The following AGPS variants were observed in gnomAD, a reference collection of about 807,000 sequenced individuals.
AGPS encodes alkyldihydroxyacetonephosphate synthase, peroxisomal.
In AGPS, 26 loss-of-function variants were observed where a neutral mutation model predicts 90.7. The ratio of observed to expected loss-of-function variants is 0.29; its 90% CI spans 0.21 to 0.40. The LOEUF (loss-of-function observed/expected upper bound fraction) is 0.40. Among genes scored for constraint, AGPS ranks in the 10% least tolerant of loss-of-function variants. The pLI, the probability that AGPS is intolerant of heterozygous loss-of-function variation, is 1.00. For missense variants in AGPS, 540 were observed against 816.1 expected (o/e 0.66, Z 4.12); for synonymous variants, 294 against 285.3 (o/e 1.03, Z -0.31).
intron 10 of AGPS, among the ~76,000 whole-genome samples, chr2:177,481,477 A>G (rs1428245625): frequency 6.6e-6 from 1 of 151,520 alleles, no homozygotes; most frequent in Non-Finnish European, 1.5e-5. Flanking sequence ...TATGTTAGAT[A>G]TTTATAATGA....
intron 17 of AGPS, among the ~76,000 whole-genome samples, chr2:177,517,890 A>G (rs1019078741): frequency 6.6e-6 from 1 of 152,140 alleles, no homozygotes; most frequent in African/African-American, 2.4e-5. Flanking sequence ...AATACTGGCC[A>G]GTTATCTTGT....
intron 8 of AGPS, among the ~76,000 whole-genome samples, chr2:177,449,841 C>A (rs1377452708): frequency 6.6e-6 from 1 of 151,536 alleles, no homozygotes; most frequent in Non-Finnish European, 1.5e-5. Context: ...ATTATTTGCC[C>A]AATTTTTTTT....
chr2:177,535,716 T>C (rs1164231063), intron 19 of AGPS, among the ~76,000 whole-genome samples: 2 of 152,192 alleles, frequency 1.3e-5, no homozygotes, highest in Non-Finnish European at 2.9e-5. Flanking sequence ...TGTGAAGTAG[T>C]TGACTTAAAT....
At chr2:177,437,184 A>T in intron 5 of AGPS, 130 bp downstream of exon 5, 1 of 879,538 alleles carries the variant, frequency 1.1e-6, no homozygotes, top group Non-Finnish European at 1.8e-6. Context: ...AAGAGAGTTT[A>T]CATAACAGTC....
intron 10 of AGPS, among the ~76,000 whole-genome samples, chr2:177,469,525 C>T (rs1375863556): frequency 6.6e-6 from 1 of 152,074 alleles, no homozygotes; most frequent in African/African-American, 2.4e-5. Context: ...CAAGATATCT[C>T]ACCAGTTTAC....
At chr2:177,444,037 C>A (rs755332642) in intron 7 of AGPS, among the ~76,000 whole-genome samples, 5 of 152,124 alleles carry the variant, frequency 3.3e-5, no homozygotes, top group Admixed American at 6.6e-5. Flanking sequence ...TCAATAAATT[C>A]TTTGTCTTTT....
At chr2:177,436,606 A>C (rs1029915992) in intron 3 of AGPS, among the ~76,000 whole-genome samples, 158 bp from the exon 4 acceptor site, 3 of 152,046 alleles carry the variant, frequency 2.0e-5, no homozygotes, top group Non-Finnish European at 4.4e-5. Context: ...TACTCTCATA[A>C]AGCTGATTTC....
intron 10 of AGPS, among the ~76,000 whole-genome samples, chr2:177,480,684 A>C (rs982368577): frequency 1.3e-5 from 2 of 151,996 alleles, no homozygotes; most frequent in African/African-American, 4.8e-5. Flanking sequence ...TATATAACAA[A>C]CCTGCACGTT....
chr2:177,506,548 T>A (rs1688720642), intron 15 of AGPS, among the ~76,000 whole-genome samples: 1 of 151,958 alleles, frequency 6.6e-6, no homozygotes, highest in Non-Finnish European at 1.5e-5. Flanking sequence ...CATGTTTTTC[T>A]CTAAAAAAGG....
At chr2:177,489,172 C>T (rs1386215937) in intron 11 of AGPS, among the ~76,000 whole-genome samples, 1 of 151,298 alleles carries the variant, frequency 6.6e-6, no homozygotes, top group African/African-American at 2.4e-5. Context: ...GCAAGCTCCG[C>T]CTCCCGGGTT....
At chr2:177,424,703 C>T (rs1686030314) in intron 2 of AGPS, among the ~76,000 whole-genome samples, 1 of 152,182 alleles carries the variant, frequency 6.6e-6, no homozygotes, top group Admixed American at 6.5e-5. Context: ...TACAGTCCAC[C>T]AGTGTAAAAG....
rs954292755 is a variant in AGPS at position 177,491,765 on chromosome 2, C to T, written c.1234-1383C>T. 8.1e-5 allele frequency among the ~76,000 whole-genome samples: 9 copies of T among 110,982 alleles called. 1 individual carries two copies. The highest frequency in any genetic ancestry group is 9.1e-5 in the Non-Finnish European group (5 of 54,844). 72.8% of individuals were successfully genotyped at this position (110,982 alleles called of 152,430 possible). On this transcript the variant is annotated intron_variant, in intron 11 of 19. Transcript: ENST00000264167. ...TAAATGTAATATACTTTCCTTCCCC[C>T]CCCCCCCCTTTTTTTTCATTTTGTT...
rs549320990 is a variant in AGPS, at chr2:177,445,477, G to A, written c.790-69G>A. 32 of 1,340,554 alleles carry A rather than the reference G, an allele frequency of 2.4e-5. No individual in the cohort carries two copies. The African/African-American group carries it at 3.9e-4, about 16-fold the overall frequency. The allele number at this position is 1,340,554 out of a possible 1,614,324, so 83.0% of individuals were successfully genotyped here. The stretch of plus-strand genomic sequence containing the variant: ...TCTTACCACTTGTTGCTTTGAATTA[G>A]GAAGTTATATTTCCTGAGAAAATAT... On this transcript the variant is annotated intron_variant, in intron 7 of 19. Coordinates refer to ENST00000264167, the MANE Select transcript of AGPS (RefSeq NM_003659.4).
At chr2:177,438,695 C>T (rs1441667376) in intron 5 of AGPS, among the ~76,000 whole-genome samples, 4 of 152,146 alleles carry the variant, frequency 2.6e-5, no homozygotes, top group Admixed American at 6.5e-5. Flanking sequence ...TTCAATAATC[C>T]TTTTGCCAAC....
intron 10 of AGPS, 133 bp downstream of exon 10, chr2:177,468,657 A>G (rs1403871290): frequency 2.1e-5 from 14 of 655,668 alleles, no homozygotes; most frequent in Middle Eastern, 4.3e-4. Flanking sequence ...AATTTTTATC[A>G]TTTTAAGACT....
At chr2:177,467,454 T>C (rs1205427674) in intron 9 of AGPS, among the ~76,000 whole-genome samples, 1 of 152,198 alleles carries the variant, frequency 6.6e-6, no homozygotes, top group Non-Finnish European at 1.5e-5. Flanking sequence ...TAAGCTCCTT[T>C]AGTTGATTTG....
chr2:177,458,128 A>G (rs1687174321), intron 8 of AGPS, among the ~76,000 whole-genome samples: 1 of 152,206 alleles, frequency 6.6e-6, no homozygotes, highest in South Asian at 2.1e-4. Context: ...GGCCTTCAAT[A>G]AAATTCAACA....
chr2:177,457,668 T>G (rs1295474814), intron 8 of AGPS, among the ~76,000 whole-genome samples: 1 of 151,952 alleles, frequency 6.6e-6, no homozygotes, highest in Non-Finnish European at 1.5e-5. Context: ...CAATAAGAAG[T>G]CCTGAAATTG....
intron 19 of AGPS, among the ~76,000 whole-genome samples, chr2:177,536,411 A>T (rs1375355615): frequency 1.8e-5 from 2 of 111,598 alleles, no homozygotes; most frequent in Admixed American, 8.7e-5. Flanking sequence ...GTAGTTGTTT[A>T]AAAAAAAAAA....
Sources: gnomAD v4.1 joint callset for allele counts (sites outside exome capture counted in the v4.1 genomes callset) on GRCh38, gnomAD v4.1.1 for gene constraint, MANE v1.5 for transcripts, NCBI Gene and HGNC (gene_info 2026-07-23, HGNC 2026-07-21) for gene names.